Variants in PLXNC1 observed in about 807,000 individuals in gnomAD.
PLXNC1 encodes plexin-C1.
Under a neutral mutation model 178.2 loss-of-function variants are expected in PLXNC1, and 75 were observed. That is an observed-to-expected ratio of 0.42 (90% CI 0.35 to 0.51). The LOEUF is 0.51. Ranked by LOEUF, PLXNC1 falls within the 20% of genes least tolerant of loss-of-function variation. The pLI is 0.02. For synonymous variants in PLXNC1, 790 were observed against 779.9 expected (o/e 1.01, Z -0.22); for missense variants, 1,503 against 1,984.4 (o/e 0.76, Z 4.61).
chr12:94,241,760 T>A (rs1399424557), intron 11 of PLXNC1, among the ~76,000 whole-genome samples: 1 of 152,170 alleles, frequency 6.6e-6, no homozygotes, highest in Non-Finnish European at 1.5e-5. Flanking sequence ...TATCCTCTAA[T>A]CTGTTGATGG....
chr12:94,291,130 T>G (rs369609618), intron 23 of PLXNC1, among the ~76,000 whole-genome samples: 86 of 152,272 alleles, frequency 5.6e-4, no homozygotes, highest in African/African-American at 2.0e-3. Flanking sequence ...TACCAAAAGG[T>G]CTTAGGTGAG....
At chr12:94,257,412 G>C (rs1964873952) in intron 17 of PLXNC1, among the ~76,000 whole-genome samples, 1 of 152,180 alleles carries the variant, frequency 6.6e-6, no homozygotes, top group African/African-American at 2.4e-5. Context: ...AAGAAATAAG[G>C]GTAGGCAGAG....
Position 94,260,980 on chromosome 12 carries a change from C to G in PLXNC1, c.3450+140C>G. 1.4e-6 allele frequency: 1 copy of G among 723,770 alleles called. No homozygotes were observed. The highest frequency in any genetic ancestry group is 2.4e-6 in the Non-Finnish European group (1 of 421,718). 44.8% of individuals were successfully genotyped at this position (723,770 alleles called of 1,614,324 possible). On this transcript the variant is annotated intron_variant, in intron 20 of 30. Coordinates refer to ENST00000258526, the MANE Select transcript of PLXNC1 (RefSeq NM_005761.3). The surrounding 1 kb of genome is among the most constrained non-coding windows in gnomAD (Gnocchi z 4.4). ...ACCATGTTTCGTCTTGGTCCTGACC[C>G]AGAACAGAGAGAGGGAAAGTAAACA...
At chr12:94,181,170 C>T (rs796780253) in intron 2 of PLXNC1, among the ~76,000 whole-genome samples, 3 of 151,894 alleles carry the variant, frequency 2.0e-5, no homozygotes, top group Admixed American at 6.6e-5. Flanking sequence ...GAGGCTGAGG[C>T]GGGTGGATCA....
intron 3 of PLXNC1, among the ~76,000 whole-genome samples, chr12:94,184,988 G>C (rs1454359562): frequency 1.3e-5 from 2 of 152,190 alleles, no homozygotes; most frequent in Non-Finnish European, 2.9e-5. Context: ...CATAATAGCA[G>C]TAACCAATAC....
chr12:94,218,675 A>G (rs1349233376), intron 5 of PLXNC1, among the ~76,000 whole-genome samples: 1 of 151,992 alleles, frequency 6.6e-6, no homozygotes, highest in Non-Finnish European at 1.5e-5. Context: ...ACATTTCAAG[A>G]TTGTCTTTTT....
intron 22 of PLXNC1, among the ~76,000 whole-genome samples, chr12:94,281,591 A>T (rs71458541): frequency 8.6e-5 from 9 of 104,554 alleles, no homozygotes; most frequent in African/African-American, 2.4e-4. Context: ...AAAAACTTTT[A>T]AAAAAAATTT....
chr12:94,150,302 A>G (rs1193716463), intron 1 of PLXNC1, among the ~76,000 whole-genome samples: 1 of 152,184 alleles, frequency 6.6e-6, no homozygotes, highest in Non-Finnish European at 1.5e-5. Context: ...TAGTGGCTGC[A>G]TCCCATTGCC....
At chr12:94,221,027 C>T (rs1303705696) in intron 6 of PLXNC1, among the ~76,000 whole-genome samples, 3 of 152,272 alleles carry the variant, frequency 2.0e-5, no homozygotes, top group Non-Finnish European at 4.4e-5. Context: ...CCTTGTGAAC[C>T]GTGAATCCTG....
rs777710430 is a variant in PLXNC1, at chr12:94,226,723, T to A, written c.1893+16T>A. On this transcript the variant is annotated intron_variant, in intron 8 of 30. Coordinates refer to ENST00000258526, the MANE Select transcript of PLXNC1 (RefSeq NM_005761.3). ...GAGAAACCAGGTAAAGTGACATTTT[T>A]GGTATTGTAAGTCTTAACCGCCGGG... 4 of 1,580,068 alleles carry A rather than the reference T, an allele frequency of 2.5e-6. No homozygotes were observed. The highest frequency in any genetic ancestry group is 3.5e-6 in the Non-Finnish European group (4 of 1,149,460).
intron 6 of PLXNC1, among the ~76,000 whole-genome samples, chr12:94,222,599 G>A (rs943408036): frequency 6.6e-6 from 1 of 152,166 alleles, no homozygotes; most frequent in African/African-American, 2.4e-5. Flanking sequence ...TGACTGTGCT[G>A]TCATCACCTA....
chr12:94,280,558 A>G (rs1242020118), intron 22 of PLXNC1, among the ~76,000 whole-genome samples: 1 of 152,238 alleles, frequency 6.6e-6, no homozygotes, highest in Non-Finnish European at 1.5e-5. Flanking sequence ...GTGGCTTTAA[A>G]GAAAGCAGGG....
In PLXNC1 at chr12:94,307,003, G is replaced by A. The variant is rs1207479142; in HGVS notation, c.*1718G>A. 1 of 152,184 alleles carries A rather than the reference G, an allele frequency of 6.6e-6. No homozygotes were observed. The allele number at this position is 152,184 out of a possible 1,614,324, so 9.4% of individuals were successfully genotyped here. ...AGGAGTTCATAAGAGAACAACAGTA[G>A]GAAAGTTGAGAGCCAAGGGTAGGAG... On this transcript the variant is annotated 3_prime_UTR_variant, in exon 31 of 31. Transcript: ENST00000258526.
intron 1 of PLXNC1, among the ~76,000 whole-genome samples, chr12:94,168,877 T>C (rs1258645651): frequency 1.3e-5 from 2 of 152,230 alleles, no homozygotes; most frequent in East Asian, 3.8e-4. Context: ...CAGCTTCTTA[T>C]ATCAGCTGAG....
chr12:94,218,552 A>T (rs1190219733), intron 5 of PLXNC1, among the ~76,000 whole-genome samples: 1 of 152,168 alleles, frequency 6.6e-6, no homozygotes, highest in Admixed American at 6.5e-5. Context: ...CATGCGCCTG[A>T]TGCAAAAGGA....
chr12:94,288,506 A>G (rs1966928570), intron 23 of PLXNC1, among the ~76,000 whole-genome samples: 1 of 152,186 alleles, frequency 6.6e-6, no homozygotes, highest in South Asian at 2.1e-4. Flanking sequence ...TCAAGTAAAC[A>G]AGAGAGAAGC....
intron 5 of PLXNC1, among the ~76,000 whole-genome samples, chr12:94,215,674 T>A (rs73364682): frequency 6.6e-6 from 1 of 151,948 alleles, no homozygotes; most frequent in Non-Finnish European, 1.5e-5. Context: ...CAGAAATAGA[T>A]GTAAAAATTT....
chr12:94,238,839 C>T (rs997035512), intron 10 of PLXNC1, among the ~76,000 whole-genome samples: 1 of 152,188 alleles, frequency 6.6e-6, no homozygotes, highest in African/African-American at 2.4e-5. Flanking sequence ...AAAAGCTGCT[C>T]ATTGGTGGCT....
At chr12:94,275,672 T>C (rs1463948309) in intron 21 of PLXNC1, among the ~76,000 whole-genome samples, 1 of 133,582 alleles carries the variant, frequency 7.5e-6, no homozygotes, top group Non-Finnish European at 1.6e-5. Context: ...GCTAAAACGG[T>C]GAAACCCCGT....
Sources: allele counts gnomAD v4.1 joint callset (sites outside exome capture counted in the v4.1 genomes callset), GRCh38; gene constraint gnomAD v4.1.1; non-coding constraint Gnocchi (gnomAD v3.1); transcripts MANE v1.5; gene names NCBI Gene and HGNC (gene_info 2026-07-23, HGNC 2026-07-21).